DGKB: variants seen among roughly 807,000 people sequenced by gnomAD.
DGKB encodes the protein 90 kDa diacylglycerol kinase.
In DGKB, 67 loss-of-function variants were observed where a neutral mutation model predicts 114.3. The ratio of observed to expected loss-of-function variants is 0.59; its 90% CI spans 0.48 to 0.72. The LOEUF (loss-of-function observed/expected upper bound fraction) is 0.72. Ranked by LOEUF, DGKB falls within the 30% of genes least tolerant of loss-of-function variation. DGKB has a pLI of 0.00. For synonymous variants in DGKB, 398 were observed against 323.1 expected, an observed-to-expected ratio of 1.23 and a Z score of -2.49; for missense variants, 907 against 975.2, an observed-to-expected ratio of 0.93 and a Z score of 0.93.
intron 1 of DGKB, chr7:14,974,611 C>T (rs1787684742): frequency 6.6e-6 from 1 of 151,964 alleles, no homozygotes; most frequent in South Asian, 2.1e-4. Flanking sequence ...TCAAATAGAT[C>T]CTTATGTTAT....
At chr7:14,952,186 G>A (rs576232824) in intron 1 of DGKB, among the ~76,000 whole-genome samples, 8 of 152,036 alleles carry the variant, frequency 5.3e-5, no homozygotes, top group South Asian at 2.1e-4. Context: ...AGGAACTACC[G>A]GGAGAGAGAC....
chr7:14,676,534 G>C (rs918153257), intron 12 of DGKB, among the ~76,000 whole-genome samples: 2 of 151,870 alleles, frequency 1.3e-5, no homozygotes, highest in African/African-American at 4.8e-5. Flanking sequence ...CATCTCATGT[G>C]CCTCATAAAT....
intron 17 of DGKB, among the ~76,000 whole-genome samples, chr7:14,599,500 G>A (rs1352213589): frequency 6.6e-6 from 1 of 152,076 alleles, no homozygotes; most frequent in Non-Finnish European, 1.5e-5. Context: ...AGATGACAAT[G>A]AGCTACCTCC....
intron 21 of DGKB, among the ~76,000 whole-genome samples, chr7:14,405,156 C>G (rs993780784): frequency 6.6e-6 from 1 of 151,696 alleles, no homozygotes; most frequent in African/African-American, 2.4e-5. Flanking sequence ...AAATTGTGTA[C>G]AGTGTTGCAT....
At chr7:14,240,219 C>T (rs959921227) in intron 23 of DGKB, among the ~76,000 whole-genome samples, 3 of 151,996 alleles carry the variant, frequency 2.0e-5, no homozygotes, top group East Asian at 3.9e-4. Context: ...CTACATTCTA[C>T]GTCCCACTGT....
chr7:14,546,969 A>G (rs1794383185), intron 20 of DGKB, among the ~76,000 whole-genome samples: 1 of 152,202 alleles, frequency 6.6e-6, no homozygotes, highest in Non-Finnish European at 1.5e-5. Context: ...CTATTCTTGA[A>G]TATGCCTAAA....
chr7:14,879,310 G>A (rs185693558), intron 1 of DGKB, among the ~76,000 whole-genome samples: 95 of 149,624 alleles, frequency 6.3e-4, no homozygotes, highest in Middle Eastern at 6.8e-3. Context: ...ATTTAATATG[G>A]TAAACTTCCA....
chr7:14,370,202 G>A (rs975503957), intron 21 of DGKB, among the ~76,000 whole-genome samples: 1 of 152,152 alleles, frequency 6.6e-6, no homozygotes, highest in Non-Finnish European at 1.5e-5. Flanking sequence ...ATTAAATAGG[G>A]AATCCTTTCC....
rs146485411 is a variant in DGKB, at chr7:14,569,045, T to A, written c.1770+5167A>T. Among the ~76,000 whole-genome samples, 9 of 152,318 alleles carry A rather than the reference T, an allele frequency of 5.9e-5. No homozygotes were observed. In the East Asian group the frequency reaches 1.7e-3, roughly 29 times the overall value. On this transcript the variant is annotated intron_variant, in intron 20 of 25. Coordinates refer to ENST00000402815, the MANE Select transcript of DGKB (RefSeq NM_001350709.2). ...CTATTTGTTATATATTCAGGAATGATTTGAGACAATTTATTTTATTTCATT... is the reference window on the plus strand; with the variant it reads ...CTATTTGTTATATATTCAGGAATGAATTGAGACAATTTATTTTATTTCATT...
At chr7:14,380,276 C>A (rs1227597518) in intron 21 of DGKB, among the ~76,000 whole-genome samples, 1 of 151,312 alleles carries the variant, frequency 6.6e-6, no homozygotes, top group Non-Finnish European at 1.5e-5. Flanking sequence ...TAAACAATGG[C>A]AGCATGTTTT....
intron 1 of DGKB, among the ~76,000 whole-genome samples, chr7:14,925,932 G>C (rs1438990516): frequency 6.6e-6 from 1 of 151,870 alleles, no homozygotes; most frequent in Non-Finnish European, 1.5e-5. Context: ...GGGTAGAAAA[G>C]TTCTGATATT....
chr7:14,759,027 CG>C (rs970721166), intron 2 of DGKB, among the ~76,000 whole-genome samples: 61 of 152,216 alleles, frequency 4.0e-4, no homozygotes, highest in African/African-American at 1.3e-3. Context: ...TGGGTTCAAC[CG>C]GTTCTCCTGC....
intron 20 of DGKB, among the ~76,000 whole-genome samples, chr7:14,566,920 G>A (rs1463566729): frequency 3.3e-5 from 5 of 150,600 alleles, no homozygotes; most frequent in Non-Finnish European, 5.9e-5. Context: ...TCAGATCTAC[G>A]GTTGATGTCC....
intron 23 of DGKB, among the ~76,000 whole-genome samples, chr7:14,289,582 A>G (rs1294847805): frequency 1.3e-5 from 2 of 152,156 alleles, no homozygotes; most frequent in Non-Finnish European, 2.9e-5. Flanking sequence ...TTGAAAGAAT[A>G]ATGTGTTATA....
upstream of DGKB, among the ~76,000 whole-genome samples, chr7:14,904,691 T>C (rs187283286): frequency 1.3e-5 from 2 of 152,330 alleles, no homozygotes; most frequent in Admixed American, 6.5e-5. Context: ...TAAATGCGAA[T>C]AGCATCCAGA....
chr7:14,924,501 T>C (rs1784659763), intron 1 of DGKB, among the ~76,000 whole-genome samples: 1 of 152,164 alleles, frequency 6.6e-6, no homozygotes, highest in South Asian at 2.1e-4. Context: ...ATCAGATATA[T>C]CCATTAGACT....
intron 21 of DGKB, among the ~76,000 whole-genome samples, chr7:14,446,138 G>A (rs1443293473): frequency 6.6e-6 from 1 of 152,068 alleles, no homozygotes; most frequent in African/African-American, 2.4e-5. Flanking sequence ...GGTACTTCAT[G>A]AAGGCAATTC....
intron 23 of DGKB, among the ~76,000 whole-genome samples, chr7:14,315,914 A>G (rs1806391046): frequency 6.6e-6 from 1 of 151,860 alleles, no homozygotes; most frequent in Non-Finnish European, 1.5e-5. Context: ...GTAAAAGAAC[A>G]GAAATTATAA....
chr7:14,689,460 C>T (rs958326605), intron 9 of DGKB, among the ~76,000 whole-genome samples: 1 of 151,934 alleles, frequency 6.6e-6, no homozygotes, highest in Non-Finnish European at 1.5e-5. Flanking sequence ...CGTGAGCCAC[C>T]GCGCCCGGCC....
Sources: allele counts gnomAD v4.1 joint callset (sites outside exome capture counted in the v4.1 genomes callset), GRCh38; gene constraint gnomAD v4.1.1; transcripts MANE v1.5; gene names NCBI Gene and HGNC (gene_info 2026-07-23, HGNC 2026-07-21).